The following PCGF5 variants were observed in gnomAD, a reference collection of about 807,000 sequenced individuals.
PCGF5 encodes the protein polycomb group RING finger protein 5.
Under a neutral mutation model 44.3 loss-of-function variants are expected in PCGF5, and 9 were observed. The ratio of observed to expected loss-of-function variants is 0.20; its 90% CI spans 0.12 to 0.35. The LOEUF is 0.35. Among genes scored for constraint, PCGF5 ranks in the 10% least tolerant of loss-of-function variants. The probability of loss-of-function intolerance (pLI) is 1.00; values close to 1 mark genes in which losing one functional copy is unlikely to be tolerated. For synonymous variants in PCGF5, 95 were observed against 102.5 expected (o/e 0.93, Z 0.44); for missense variants, 146 against 305.3 (o/e 0.48, Z 3.89).
rs567656100 is a variant in PCGF5 at position 91,227,850 on chromosome 10, GTTACCCATCC to G, written c.112+4870_112+4879del. 2,155 of 985,440 alleles carry G rather than the reference GTTACCCATCC, an allele frequency of 2.2e-3. 6 individuals carry two copies. Among genetic ancestry groups the G allele is most frequent in the Non-Finnish European group, 2.5e-3 (2,072 of 829,660 alleles). The allele number at this position is 985,440 out of a possible 1,614,324, so 61.0% of individuals were successfully genotyped here. A position where few individuals can be genotyped will look rare whatever the true frequency, so the allele number is the denominator to read the frequency against. On this transcript the variant is annotated intron_variant, in intron 2 of 9. Coordinates refer to ENST00000336126, the MANE Select transcript of PCGF5 (RefSeq NM_032373.5). ...ATGCCTCCTCTGTGCCCAGCTAGCA[GTTACCCATCC>G]TTTAAAACTCATCCCCTCTAAGATG...
intron 1 of PCGF5, among the ~76,000 whole-genome samples, chr10:91,184,723 TG>T (rs1490141273): frequency 1.3e-5 from 2 of 151,640 alleles, no homozygotes; most frequent in Non-Finnish European, 1.5e-5. Flanking sequence ...GTTGCTGTTT[TG>T]TTTTTTTTTT....
At chr10:91,253,695 AT>A (rs993585640) in intron 6 of PCGF5, among the ~76,000 whole-genome samples, 29 of 151,856 alleles carry the variant, frequency 1.9e-4, no homozygotes, top group African/African-American at 6.0e-4. Context: ...TTATATCTAC[AT>A]TTTTTAAGTA....
At chr10:91,250,376 T>A (rs1222765983) in intron 5 of PCGF5, among the ~76,000 whole-genome samples, 1 of 151,958 alleles carries the variant, frequency 6.6e-6, no homozygotes, top group African/African-American at 2.4e-5. Context: ...AGTGTTAGCT[T>A]AGAGGTATCT....
Position 91,177,597 on chromosome 10 carries a change from C to G in PCGF5, c.-184+14516C>G, listed in dbSNP as rs558882489. ...CCGCTTTGTTTACCTACTCAAGCCT[C>G]AGCAATGGTGGGCGCCCGTCCCCCA... On this transcript the variant is annotated intron_variant, in intron 1 of 9. Coordinates refer to the PCGF5 transcript ENST00000614189. Among the ~76,000 whole-genome samples the G allele has an allele frequency of 2.6e-5, 4 of 152,332 alleles. No homozygotes were observed. The South Asian group carries it at 6.2e-4, about 24-fold the overall frequency.
chr10:91,271,271 A>G (rs768991735), intron 8 of PCGF5, among the ~76,000 whole-genome samples: 2 of 152,104 alleles, frequency 1.3e-5, no homozygotes, highest in Non-Finnish European at 2.9e-5. Flanking sequence ...TGAAGAAGAG[A>G]TCTAGGAGAC....
chr10:91,174,628 A>G (rs1430918016), intron 1 of PCGF5, among the ~76,000 whole-genome samples: 2 of 152,248 alleles, frequency 1.3e-5, no homozygotes, highest in Non-Finnish European at 2.9e-5. Flanking sequence ...TGTGGCATCT[A>G]GAAGGATTCT....
intron 1 of PCGF5, among the ~76,000 whole-genome samples, chr10:91,182,917 T>C (rs564853852): frequency 6.6e-6 from 1 of 152,352 alleles, no homozygotes; most frequent in Non-Finnish European, 1.5e-5. Context: ...TCCATGCAAT[T>C]GTATGGTTTT....
At chr10:91,273,679 G>A (rs1453059681) in intron 9 of PCGF5, among the ~76,000 whole-genome samples, 1 of 151,894 alleles carries the variant, frequency 6.6e-6, no homozygotes, top group African/African-American at 2.4e-5. Flanking sequence ...TAGAAAAGGT[G>A]GAATCCTTCC....
intron 1 of PCGF5, among the ~76,000 whole-genome samples, chr10:91,207,610 A>G (rs1248516658): frequency 1.3e-5 from 2 of 152,228 alleles, no homozygotes; most frequent in African/African-American, 2.4e-5. Flanking sequence ...GATATCCTTT[A>G]TAACCGTAAC....
intron 8 of PCGF5, among the ~76,000 whole-genome samples, chr10:91,269,955 G>GT (rs1242864263): frequency 6.6e-6 from 1 of 152,116 alleles, no homozygotes; most frequent in African/African-American, 2.4e-5. Flanking sequence ...TTTTGCCTCA[G>GT]TTTTTTGATT....
chr10:91,166,145 C>T (rs999852379), intron 1 of PCGF5, among the ~76,000 whole-genome samples: 4 of 152,182 alleles, frequency 2.6e-5, no homozygotes, highest in African/African-American at 9.7e-5. Context: ...AGGCAAGAGT[C>T]AGAACCAAGA....
intron 8 of PCGF5, among the ~76,000 whole-genome samples, chr10:91,270,663 A>G (rs1253408719): frequency 6.6e-6 from 1 of 152,204 alleles, no homozygotes; most frequent in African/African-American, 2.4e-5. Flanking sequence ...GGCTACAAAT[A>G]TATTTGTTTT....
intron 6 of PCGF5, among the ~76,000 whole-genome samples, chr10:91,252,292 A>C (rs1158780326): frequency 1.3e-5 from 2 of 151,962 alleles, no homozygotes; most frequent in Non-Finnish European, 2.9e-5. Flanking sequence ...TCCTCTGTGT[A>C]CATCTATAGG....
At position 91,283,027 on chromosome 10, in the gene PCGF5, T is replaced by C. The variant is rs896348339; in HGVS notation, c.*4711T>C. ...ACCCTTTCAAGGCACACAATAACTG[T>C]TCTGGATTTACCTGACAAACCTAGT... On this transcript the variant is annotated 3_prime_UTR_variant, in exon 10 of 10. Coordinates refer to ENST00000336126, the MANE Select transcript of PCGF5 (RefSeq NM_032373.5). 6.6e-6 allele frequency: 1 copy of C among 152,212 alleles called. No individual in the cohort carries two copies. The highest frequency in any genetic ancestry group is 1.5e-5 in the Non-Finnish European group (1 of 68,040). 9.4% of individuals were successfully genotyped at this position (152,212 alleles called of 1,614,324 possible).
chr10:91,256,402 G>A (rs1036974007), intron 6 of PCGF5, among the ~76,000 whole-genome samples: 1 of 151,810 alleles, frequency 6.6e-6, no homozygotes, highest in Non-Finnish European at 1.5e-5. Flanking sequence ...CTGAGAAACA[G>A]AAAAATAGAA....
chr10:91,227,415 G>A, intron 2 of PCGF5: 1 of 1,289,480 alleles, frequency 7.8e-7, no homozygotes, highest in Non-Finnish European at 1.0e-6. Context: ...GATCAAATGG[G>A]ATGCCAGCAC....
chr10:91,267,184 C>T (rs767022259), intron 8 of PCGF5, among the ~76,000 whole-genome samples: 2 of 152,146 alleles, frequency 1.3e-5, no homozygotes, highest in Non-Finnish European at 2.9e-5. Context: ...GCCCTCACCT[C>T]CCCTGGTATC....
chr10:91,211,415 G>C (rs981668336), intron 1 of PCGF5, among the ~76,000 whole-genome samples: 2 of 152,178 alleles, frequency 1.3e-5, no homozygotes, highest in Non-Finnish European at 2.9e-5. Context: ...TTGCTATAGA[G>C]GTTATTGTAA....
intron 2 of PCGF5, among the ~76,000 whole-genome samples, chr10:91,236,808 G>A (rs1049180365): frequency 1.3e-5 from 2 of 152,096 alleles, no homozygotes; most frequent in Non-Finnish European, 2.9e-5. Flanking sequence ...TTTATGTAAG[G>A]TTGTGCTTTA....
Sources: allele counts gnomAD v4.1 joint callset (sites outside exome capture counted in the v4.1 genomes callset), GRCh38; gene constraint gnomAD v4.1.1; transcripts MANE v1.5; gene names NCBI Gene and HGNC (gene_info 2026-07-23, HGNC 2026-07-21).